Variants in RNF213 observed in about 807,000 individuals in gnomAD.
RNF213 encodes ring finger protein 213.
In RNF213, 341 loss-of-function variants were observed where a neutral mutation model predicts 514.4. The observed-to-expected ratio is 0.66, with a 90% CI of 0.61 to 0.73. The LOEUF (loss-of-function observed/expected upper bound fraction) is 0.73, where lower values mean the gene tolerates loss of function less well. Among genes scored for constraint, RNF213 ranks in the 30% least tolerant of loss-of-function variants. RNF213 has a pLI of 0.00. For synonymous variants in RNF213, 2,655 were observed against 2,658.2 expected, an observed-to-expected ratio of 1.00 and a Z score of 0.04; for missense variants, 5,767 against 6,615.6, an observed-to-expected ratio of 0.87 and a Z score of 4.45.
intron 32 of RNF213, 56 bp from the exon 33 acceptor site, chr17:80,352,884 T>G: frequency 6.2e-7 from 1 of 1,612,760 alleles, no homozygotes; most frequent in Non-Finnish European, 8.5e-7. Flanking sequence ...TGCTTAGGGC[T>G]GAGCAGCAGC....
chr17:80,287,817 C>CA lies in RNF213; in HGVS notation c.269dup (p.Lys91GlufsTer71), dbSNP rs1568013734. 6.2e-7 allele frequency: 1 copy of CA among 1,613,396 alleles called. No individual in the cohort carries two copies. The highest frequency in any genetic ancestry group is 8.5e-7 in the Non-Finnish European group (1 of 1,179,618). ...TGAGTGTCTCTCTTTCTGTTTAGAG[C>CA]AAAAAGAAGAAAAGGAAGAAGAAAA... On this transcript the variant is annotated frameshift_variant, in exon 4 of 68. Transcript: ENST00000582970. LOFTEE classifies it high-confidence loss of function.
intron 38 of RNF213, 121 bp downstream of exon 38, chr17:80,360,327 C>A: frequency 1.7e-6 from 2 of 1,192,964 alleles, no homozygotes; most frequent in Non-Finnish European, 2.4e-6. Flanking sequence ...TTAGTTTTCA[C>A]ACTTTGTTTG....
At position 80,373,054 on chromosome 17, in the gene RNF213, G is replaced by A. The variant is rs1180394564; in HGVS notation, c.12831G>A (p.Val4277=). 2 of 1,613,802 alleles carry A rather than the reference G, an allele frequency of 1.2e-6. No individual in the cohort carries two copies. The highest frequency in any genetic ancestry group is 1.3e-5 in the African/African-American group (1 of 74,890). The change falls in exon 49 of 68, where the codon GTG becomes GTA. Residue 4277 remains valine, a synonymous_variant. Coordinates refer to ENST00000582970, the MANE Select transcript of RNF213 (RefSeq NM_001256071.3). ...GGGTGGAGAACGACTGGCACCGGGT[G>A]TACCTGGTGCGGAAGCTCAGCAGCC... ...CIRVENDWHR[V]YLVRKLSSQR...
At position 80,351,706 on chromosome 17, in the gene RNF213, C is replaced by G. The variant is rs1317116471; in HGVS notation, c.10206C>G (p.Ile3402Met). ...ASAKYSVINEINKIRENEDRI... is the reference protein window; with the variant it reads ...ASAKYSVINEMNKIRENEDRI... ...ATAGGTATTCTGTTATAAATGAAAT[C>G]AACAAAATACGAGAAAATGAGGACC... Residue 3402 changes from isoleucine to methionine, a missense_variant, in exon 32 of 68, where the codon ATC becomes ATG. Physicochemically the swap from Ile to Met is conservative, Grantham distance 10. Coordinates refer to ENST00000582970, the MANE Select transcript of RNF213 (RefSeq NM_001256071.3). 3 of 1,596,402 alleles carry G rather than the reference C, an allele frequency of 1.9e-6. No individual in the cohort carries two copies. The highest frequency in any genetic ancestry group is 3.3e-5 in the Admixed American group (2 of 59,868).
At chr17:80,357,076 G>A (rs1599114625) in intron 36 of RNF213, among the ~76,000 whole-genome samples, 1 of 151,918 alleles carries the variant, frequency 6.6e-6, no homozygotes, top group East Asian at 1.9e-4. Context: ...CTGCCACCAC[G>A]ACTGTAATTT....
Position 80,346,300 on chromosome 17 carries a change from C to T in RNF213, c.7965C>T (p.Ser2655=), listed in dbSNP as rs537842801. The T allele has an allele frequency of 2.1e-4, 340 of 1,614,126 alleles. 2 individuals are homozygous for T. The South Asian group carries it at 3.2e-3, about 15-fold the overall frequency. Residue 2655 remains serine (S), a synonymous_variant, in exon 29 of 68, where the codon AGC becomes AGT. Coordinates refer to ENST00000582970, the MANE Select transcript of RNF213 (RefSeq NM_001256071.3). This position sits in a 1 kb window ranked among gnomAD's most constrained non-coding sequence, Gnocchi z 8.1. ...TTTTCAGGTGGTTCCACGAGCACAG[C>T]GCGATGCTCTTAGCGCAGCTGAATG... ...VKVFRWFHEH[S]AMLLAQLNAF...
Position 80,343,146 on chromosome 17 carries a change from G to A in RNF213, c.6004G>A (p.Val2002Met), listed in dbSNP as rs756735067. 6 of 1,613,676 alleles carry A rather than the reference G, an allele frequency of 3.7e-6. No individual in the cohort carries two copies. Among genetic ancestry groups the A allele is most frequent in the Middle Eastern group, 1.6e-4 (1 of 6,062 alleles). ...ERAGVGKSLY[V>M]KRLHDKMKMQ... ...TAATGTTATAGGAAAGTCTCTGTAC[G>A]TGAAGAGGTTGCACGACAAAATGAA... is the stretch of plus-strand genomic sequence containing the variant. The change falls in exon 27 of 68, where the codon GTG (valine) becomes ATG (methionine). Residue 2002 changes from valine to methionine, a missense_variant. By Grantham distance (21) the Val-to-Met change is conservative (BLOSUM62 1). Coordinates refer to ENST00000582970, the MANE Select transcript of RNF213 (RefSeq NM_001256071.3). The surrounding 1 kb of genome is among the most constrained non-coding windows in gnomAD (Gnocchi z 4.3).
chr17:80,352,470 A>G (rs2144215065), intron 32 of RNF213: 1 of 454,168 alleles, frequency 2.2e-6, no homozygotes, highest in East Asian at 3.7e-5. Context: ...CGGGGGTCGG[A>G]CTATCTTCAG....
rs1015986512 is a variant in RNF213, at chr17:80,343,061, G to A, written c.5990-71G>A. Reference sequence around the variant, plus strand: ...GACCTCAAGTGATCCCCCCGCCTCGGCCTCCCAAAGTGCTAGGATTACAGG... The same window carrying A: ...GACCTCAAGTGATCCCCCCGCCTCGACCTCCCAAAGTGCTAGGATTACAGG... On this transcript the variant is annotated intron_variant, in intron 26 of 67. Coordinates refer to ENST00000582970, the MANE Select transcript of RNF213 (RefSeq NM_001256071.3). This position sits in a 1 kb window ranked among gnomAD's most constrained non-coding sequence, Gnocchi z 4.3. The A allele has an allele frequency of 6.8e-5, 88 of 1,293,750 alleles. No individual in the cohort carries two copies. In the African/African-American group the frequency reaches 1.2e-3, roughly 17 times the overall value. The allele number at this position is 1,293,750 out of a possible 1,614,324, so 80.1% of individuals were successfully genotyped here. A position where few individuals can be genotyped will look rare whatever the true frequency, so the allele number is the denominator to read the frequency against.
intron 49 of RNF213, among the ~76,000 whole-genome samples, chr17:80,373,976 G>A (rs1360835093): frequency 3.7e-5 from 5 of 135,286 alleles, no homozygotes; most frequent in African/African-American, 5.7e-5. Flanking sequence ...GCACTCCAGC[G>A]CCTGGGCGAT....
chr17:80,293,127 G>A (rs1211326449), intron 8 of RNF213, among the ~76,000 whole-genome samples: 2 of 151,914 alleles, frequency 1.3e-5, no homozygotes, highest in Non-Finnish European at 2.9e-5. Flanking sequence ...GCACGATCTC[G>A]GCTCACTACA....
At chr17:80,278,901 C>G in intron 3 of RNF213, 1 of 1,537,172 alleles carries the variant, frequency 6.5e-7, no homozygotes, top group Non-Finnish European at 8.7e-7. Context: ...CTTCTGCAGA[C>G]TGTGAGCAGG....
chr17:80,288,884 C>T lies in RNF213; in HGVS notation c.933+129C>T, dbSNP rs1172067226. 6.7e-7 allele frequency: 1 copy of T among 1,482,794 alleles called. No homozygotes were observed. The highest frequency in any genetic ancestry group is 9.2e-7 in the Non-Finnish European group (1 of 1,081,670). 91.9% of individuals were successfully genotyped at this position (1,482,794 alleles called of 1,614,324 possible). A position where few individuals can be genotyped will look rare whatever the true frequency, so the allele number is the denominator to read the frequency against. On this transcript the variant is annotated intron_variant, in intron 5 of 67. Transcript: ENST00000582970. This position sits in a 1 kb window ranked among gnomAD's most constrained non-coding sequence, Gnocchi z 4.9. The stretch of plus-strand genomic sequence containing the variant: ...GCCATGATTCAGACAAAGCTCTGGC[C>T]TTCGGGGTGCTCACATTCCAGCGGA...
At chr17:80,369,223 A>T (rs1452989349) in intron 44 of RNF213, among the ~76,000 whole-genome samples, 1 of 151,974 alleles carries the variant, frequency 6.6e-6, no homozygotes, top group Non-Finnish European at 1.5e-5. Context: ...ACACGGTGAA[A>T]CCCCATCTCT....
chr17:80,270,587 C>T (rs1006386116), intron 2 of RNF213, among the ~76,000 whole-genome samples: 1 of 152,214 alleles, frequency 6.6e-6, no homozygotes. Flanking sequence ...GGCCTCCGTT[C>T]TGATTTCCTT....
chr17:80,337,345 C>T (rs1007772416), intron 23 of RNF213, among the ~76,000 whole-genome samples: 5 of 152,228 alleles, frequency 3.3e-5, no homozygotes, highest in African/African-American at 1.2e-4. Context: ...CCAGCCGGGG[C>T]ACCAGGCACT....
chr17:80,335,138 G>A (rs934611482), intron 22 of RNF213, among the ~76,000 whole-genome samples: 5 of 152,080 alleles, frequency 3.3e-5, no homozygotes, highest in Admixed American at 1.3e-4. Context: ...GGCCAGGCTG[G>A]TCTTGAACTC....
At chr17:80,261,722 T>C (rs1327817754) in intron 1 of RNF213, among the ~76,000 whole-genome samples, 1 of 152,166 alleles carries the variant, frequency 6.6e-6, no homozygotes, top group Non-Finnish European at 1.5e-5. Context: ...GATGGAACAA[T>C]AAGATGCTTT....
intron 61 of RNF213, 65 bp from the exon 62 acceptor site, chr17:80,386,185 C>G (rs1052599748): frequency 1.3e-6 from 2 of 1,513,870 alleles, no homozygotes; most frequent in African/African-American, 1.4e-5. Context: ...TCCCTCCTCC[C>G]CACGCCTAGA....
Sources: gnomAD v4.1 joint callset for allele counts (sites outside exome capture counted in the v4.1 genomes callset) on GRCh38, gnomAD v4.1.1 for gene constraint, Gnocchi (gnomAD v3.1) non-coding constraint, MANE v1.5 for transcripts, NCBI Gene and HGNC (gene_info 2026-07-23, HGNC 2026-07-21) for gene names.